RANBP2: variants seen among roughly 807,000 people sequenced by gnomAD.
The protein encoded by RANBP2 is RAN binding protein 2.
In RANBP2, 57 loss-of-function variants were observed where a neutral mutation model predicts 303.6. That is an observed-to-expected ratio of 0.19 (90% confidence interval 0.15 to 0.23). RANBP2 has a LOEUF of 0.23. RANBP2 is among the 10% of genes least tolerant of loss of function. RANBP2 has a pLI of 1.00. For missense variants in RANBP2, 3,138 were observed against 3,780.8 expected, an observed-to-expected ratio of 0.83 and a Z score of 4.46; for synonymous variants, 1,167 against 1,301.5, an observed-to-expected ratio of 0.90 and a Z score of 2.23.
the RANBP2 span, among the ~76,000 whole-genome samples, chr2:109,415,890 A>T: frequency 6.6e-6 from 1 of 152,108 alleles, no homozygotes; most frequent in East Asian, 1.9e-4. Context: ...GGCCTTTAAA[A>T]GGCAATTAGG....
the RANBP2 span, among the ~76,000 whole-genome samples, chr2:109,709,819 G>C: frequency 3.9e-5 from 6 of 152,232 alleles, no homozygotes; most frequent in Non-Finnish European, 1.5e-5. Flanking sequence ...TGGGCACGGT[G>C]GCTCACGCTT....
the RANBP2 span, among the ~76,000 whole-genome samples, chr2:109,224,183 A>G: frequency 1.3e-5 from 2 of 151,994 alleles, no homozygotes; most frequent in African/African-American, 4.8e-5. Context: ...TGCATGTGCA[A>G]ATGGAGGGGG....
At chr2:108,914,096 A>G in the RANBP2 span, among the ~76,000 whole-genome samples, 1 of 151,752 alleles carries the variant, frequency 6.6e-6, no homozygotes, top group Non-Finnish European at 1.5e-5. Context: ...CCGCATCTCT[A>G]CTGAATACAA....
At chr2:108,929,350 G>T in the RANBP2 span, 1 of 1,614,162 alleles carries the variant, frequency 6.2e-7, no homozygotes, top group South Asian at 1.1e-5. Flanking sequence ...CGCAGCCGTA[G>T]TCCTCGTCTT....
the RANBP2 span, among the ~76,000 whole-genome samples, chr2:109,734,723 A>G: frequency 6.6e-6 from 1 of 152,210 alleles, no homozygotes; most frequent in African/African-American, 2.4e-5. Flanking sequence ...GAAGACTCAC[A>G]CTTTCTGATT....
the RANBP2 span, among the ~76,000 whole-genome samples, chr2:109,271,008 TC>T: frequency 1.3e-5 from 2 of 152,228 alleles, no homozygotes; most frequent in Non-Finnish European, 2.9e-5. Context: ...GGGTCACCCC[TC>T]ATTGAACATT....
chr2:109,737,372 C>T, the RANBP2 span: 6 of 677,172 alleles, frequency 8.9e-6, no homozygotes, highest in African/African-American at 3.6e-5. Flanking sequence ...CCAGCTTTTC[C>T]GTTCACTTTG....
At chr2:108,841,674 G>GA in the RANBP2 span, among the ~76,000 whole-genome samples, 1 of 151,958 alleles carries the variant, frequency 6.6e-6, no homozygotes, top group Non-Finnish European at 1.5e-5. Flanking sequence ...GCTGCATTTA[G>GA]AAAAAATAAA....
At chr2:109,301,833 T>C in the RANBP2 span, among the ~76,000 whole-genome samples, 4 of 152,210 alleles carry the variant, frequency 2.6e-5, no homozygotes, top group African/African-American at 4.8e-5. Flanking sequence ...CTGTCTTGCC[T>C]CTTTAGCATG....
chr2:109,433,725 G>A, the RANBP2 span, among the ~76,000 whole-genome samples: 1 of 152,214 alleles, frequency 6.6e-6, no homozygotes, highest in Non-Finnish European at 1.5e-5. Context: ...GGCCTCTCTC[G>A]AGGTGCCCAG....
At chr2:109,540,798 CAAAAAA>C in the RANBP2 span, among the ~76,000 whole-genome samples, 1 of 131,226 alleles carries the variant, frequency 7.6e-6, no homozygotes, top group Non-Finnish European at 1.6e-5. Flanking sequence ...AAGACCCTGT[CAAAAAA>C]AAAAAAAAAA....
At chr2:109,227,988 G>A in the RANBP2 span, among the ~76,000 whole-genome samples, 20 of 152,320 alleles carry the variant, frequency 1.3e-4, no homozygotes, top group Non-Finnish European at 2.8e-4. Flanking sequence ...ATTTACATTT[G>A]CTGTGGGTAG....
At chr2:109,328,618 C>T in the RANBP2 span, among the ~76,000 whole-genome samples, 1 of 152,196 alleles carries the variant, frequency 6.6e-6, no homozygotes, top group African/African-American at 2.4e-5. Flanking sequence ...TCCAGGTTAT[C>T]CAGGATGCCT....
chr2:109,538,596 G>A, the RANBP2 span, among the ~76,000 whole-genome samples: 5 of 152,132 alleles, frequency 3.3e-5, no homozygotes, highest in Admixed American at 1.3e-4. Flanking sequence ...GGCTTACCAC[G>A]GCGGCCTCTG....
intron 8 of RANBP2, among the ~76,000 whole-genome samples, chr2:108,748,247 G>A (rs1039734298): frequency 2.0e-5 from 3 of 149,376 alleles, no homozygotes; most frequent in East Asian, 2.0e-4. Flanking sequence ...TTACTCTGTC[G>A]CCCGGGCTGG....
At chr2:108,897,149 C>G in the RANBP2 span, 46 of 1,613,828 alleles carry the variant, frequency 2.9e-5, no homozygotes, top group African/African-American at 4.8e-4. Flanking sequence ...TTCACAACAG[C>G]CTTCTCAGAG....
At chr2:109,630,340 G>T in the RANBP2 span, among the ~76,000 whole-genome samples, 1 of 152,142 alleles carries the variant, frequency 6.6e-6, no homozygotes, top group African/African-American at 2.4e-5. Flanking sequence ...CCTCTATCTG[G>T]CCTGCAAACC....
the RANBP2 span, chr2:109,605,556 G>A: frequency 6.6e-6 from 1 of 152,172 alleles, no homozygotes; most frequent in African/African-American, 2.4e-5. Flanking sequence ...CTGACTAAAA[G>A]GTAGGTAAAT....
At chr2:109,206,009 G>C in the RANBP2 span, among the ~76,000 whole-genome samples, 3 of 152,186 alleles carry the variant, frequency 2.0e-5, no homozygotes, top group Non-Finnish European at 4.4e-5. Flanking sequence ...CCAAGTAGTA[G>C]TTGGAGACTA....
Sources: allele counts gnomAD v4.1 joint callset (sites outside exome capture counted in the v4.1 genomes callset), GRCh38; gene constraint gnomAD v4.1.1; transcripts MANE v1.5; gene names NCBI Gene and HGNC (gene_info 2026-07-23, HGNC 2026-07-21).